Variants in CTNNB1 observed in about 807,000 individuals in gnomAD.
CTNNB1 encodes catenin beta 1.
CTNNB1 carries 6 observed loss-of-function variants against 82.5 expected under a neutral mutation model. The ratio of observed to expected loss-of-function variants is 0.07; its 90% CI spans 0.04 to 0.14. The LOEUF (loss-of-function observed/expected upper bound fraction) is 0.14. Ranked by LOEUF, CTNNB1 falls within the 10% of genes least tolerant of loss-of-function variation. CTNNB1 has a pLI of 1.00. For synonymous variants in CTNNB1, 312 were observed against 329.7 expected (o/e 0.95, Z 0.58); for missense variants, 529 against 980.4 (o/e 0.54, Z 6.15).
intron 10 of CTNNB1, chr3:41,234,644 T>C: frequency 3.3e-6 from 1 of 303,278 alleles, no homozygotes; most frequent in Middle Eastern, 1.1e-3. Context: ...CAGAGCCTCT[T>C]ACCCTTGCCT....
intron 1 of CTNNB1, among the ~76,000 whole-genome samples, chr3:41,213,918 T>G (rs1452461617): frequency 6.6e-6 from 1 of 152,212 alleles, no homozygotes; most frequent in Non-Finnish European, 1.5e-5. Flanking sequence ...CTCATAATTA[T>G]GAGGCTTATT....
At chr3:41,206,430 T>TAC (rs1455789938) in intron 1 of CTNNB1, among the ~76,000 whole-genome samples, 1 of 152,314 alleles carries the variant, frequency 6.6e-6, no homozygotes, top group African/African-American at 2.4e-5. Context: ...TGTGCATATA[T>TAC]ATAGCATACC....
At chr3:41,205,408 A>G (rs1173421266) in intron 1 of CTNNB1, among the ~76,000 whole-genome samples, 2 of 152,164 alleles carry the variant, frequency 1.3e-5, no homozygotes, top group African/African-American at 4.8e-5. Flanking sequence ...GTATTTCCAG[A>G]TTTTGAAAAG....
intron 7 of CTNNB1, among the ~76,000 whole-genome samples, chr3:41,231,065 C>T (rs769303080): frequency 4.2e-4 from 64 of 152,172 alleles, no homozygotes; most frequent in Non-Finnish European, 8.7e-4. Context: ...CGGTGGCTCA[C>T]GCCTGTAATT....
chr3:41,213,509 A>T (rs1007573879), intron 1 of CTNNB1, among the ~76,000 whole-genome samples: 3 of 152,178 alleles, frequency 2.0e-5, no homozygotes, highest in Non-Finnish European at 2.9e-5. Context: ...TGCAGTAATC[A>T]CTACTGCACA....
chr3:41,238,377 C>T (rs2078490778), intron 14 of CTNNB1: 1 of 341,172 alleles, frequency 2.9e-6, no homozygotes, highest in South Asian at 3.9e-5. Flanking sequence ...CCAGAGGACT[C>T]ATAATACCTT....
Position 41,225,772 on chromosome 3 carries a change from G to T in CTNNB1, c.847G>T (p.Val283Phe), listed in dbSNP as rs2125624453. ...VRLAGGLQKM[V>F]ALLNKTNVKF... is the part of the protein sequence containing the mutation. ...TTTAGCTGGTGGGCTGCAGAAAATGGTTGCCTTGCTCAACAAAACAAATGT... is the reference window on the plus strand; with the variant it reads ...TTTAGCTGGTGGGCTGCAGAAAATGTTTGCCTTGCTCAACAAAACAAATGT... The change falls in exon 6 of 15, where the codon GTT (valine) becomes TTT (phenylalanine). Residue 283 changes from valine to phenylalanine, a missense_variant. Coordinates refer to ENST00000349496, the MANE Select transcript of CTNNB1 (RefSeq NM_001904.4). This position sits in a 1 kb window ranked among gnomAD's most constrained non-coding sequence, Gnocchi z 5.3. 1.2e-6 allele frequency: 2 copies of T among 1,614,122 alleles called. No individual in the cohort carries two copies. The highest frequency in any genetic ancestry group is 8.5e-7 in the Non-Finnish European group (1 of 1,179,988).
intron 7 of CTNNB1, among the ~76,000 whole-genome samples, chr3:41,227,751 G>C (rs1004696885): frequency 2.6e-5 from 4 of 152,114 alleles, no homozygotes; most frequent in African/African-American, 9.7e-5. Flanking sequence ...TTAACTTTTA[G>C]GTTCCGGGTA....
Position 41,233,615 on chromosome 3 carries a change from T to C in CTNNB1, c.1272T>C (p.Leu424=), listed in dbSNP as rs4135379. ...INVVTCAAGI[L]SNLTCNNYKN... ...TGGTCACCTGTGCAGCTGGAATTCT[T>C]TCTAACCTCACTTGCAATAATTATA... The change falls in exon 9 of 15, where the codon CTT becomes CTC. Residue 424 remains leucine, a synonymous_variant. Coordinates refer to ENST00000349496, the MANE Select transcript of CTNNB1 (RefSeq NM_001904.4). 2.6e-4 allele frequency: 420 copies of C among 1,614,218 alleles called. No homozygotes were observed. In the African/African-American group the frequency reaches 5.2e-3, roughly 20 times the overall value.
At chr3:41,235,134 A>G (rs1406582305) in intron 10 of CTNNB1, 1 of 154,434 alleles carries the variant, frequency 6.5e-6, no homozygotes, top group Non-Finnish European at 1.4e-5. Context: ...AAGCTGCTAA[A>G]TGTAGCAGAA....
intron 1 of CTNNB1, among the ~76,000 whole-genome samples, chr3:41,205,508 G>C (rs185043189): frequency 2.7e-4 from 41 of 152,044 alleles, no homozygotes; most frequent in African/African-American, 9.6e-4. Flanking sequence ...TAGCCTGGCC[G>C]ACGTGGTGAA....
At position 41,234,279 on chromosome 3, in the gene CTNNB1, G is replaced by A; in HGVS notation, c.1665G>A (p.Gly555=). ...CCCAGCGCCGTACGTCCATGGGTGG[G>A]ACACAGCAGCAATTTGTGGTAGGTA... The part of the protein sequence containing the change: ...QDTQRRTSMG[G]TQQQFVEGVR... The change falls in exon 10 of 15, where the codon GGG becomes GGA. Residue 555 remains glycine (G), a synonymous_variant. Transcript: ENST00000349496. 2 of 1,614,174 alleles carry A rather than the reference G, an allele frequency of 1.2e-6. No individual in the cohort carries two copies. Among genetic ancestry groups the A allele is most frequent in the Admixed American group, 1.7e-5 (1 of 60,024 alleles).
chr3:41,236,157 T>A (rs1575333685), intron 11 of CTNNB1, 192 bp from the exon 12 acceptor site: 2 of 814,716 alleles, frequency 2.5e-6, no homozygotes, highest in East Asian at 4.9e-5. Flanking sequence ...AAAGGGTTTA[T>A]AGCTAAAAAA....
rs768314155 is a variant in CTNNB1, at chr3:41,225,295, C to T, written c.496-39C>T. 1 of 1,613,640 alleles carries T rather than the reference C, an allele frequency of 6.2e-7. No homozygotes were observed. The highest frequency in any genetic ancestry group is 8.5e-7 in the Non-Finnish European group (1 of 1,179,642). On this transcript the variant is annotated intron_variant, in intron 4 of 14. Coordinates refer to ENST00000349496, the MANE Select transcript of CTNNB1 (RefSeq NM_001904.4). This position sits in a 1 kb window ranked among gnomAD's most constrained non-coding sequence, Gnocchi z 5.3. ...TCAGAATGTCTACCCAATACCAGTA[C>T]TTGAAAACTAACGATGTTTCTGAAT...
intron 1 of CTNNB1, among the ~76,000 whole-genome samples, chr3:41,207,558 A>G (rs1339576918): frequency 6.6e-6 from 1 of 152,194 alleles, no homozygotes; most frequent in African/African-American, 2.4e-5. Context: ...AGGAAGTAGT[A>G]CTGCATTCTG....
At chr3:41,205,366 C>A (rs932669494) in intron 1 of CTNNB1, among the ~76,000 whole-genome samples, 1 of 152,150 alleles carries the variant, frequency 6.6e-6, no homozygotes. Flanking sequence ...GCAGTTAAAT[C>A]GATTTTGGTT....
At chr3:41,231,708 T>C (rs2078314399) in intron 7 of CTNNB1, among the ~76,000 whole-genome samples, 1 of 152,178 alleles carries the variant, frequency 6.6e-6, no homozygotes, top group Non-Finnish European at 1.5e-5. Flanking sequence ...AATAATAGCA[T>C]TGTATAGATT....
rs2078142017 is a variant in CTNNB1, at chr3:41,225,030, C to T, written c.318C>T (p.Gly106=). The part of the protein sequence containing the change: ...AAMFPETLDE[G]MQIPSTQFDA... ...TGTTCCCTGAGACATTAGATGAGGG[C>T]ATGCAGATCCCATCTACACAGTTTG... Residue 106 remains glycine (G), a synonymous_variant, in exon 4 of 15, where the codon GGC becomes GGT. Coordinates refer to ENST00000349496, the MANE Select transcript of CTNNB1 (RefSeq NM_001904.4). The surrounding 1 kb of genome is among the most constrained non-coding windows in gnomAD (Gnocchi z 5.3). The T allele has an allele frequency of 6.2e-7, 1 of 1,613,728 alleles. No homozygotes were observed. The highest frequency in any genetic ancestry group is 1.3e-5 in the African/African-American group (1 of 74,816).
chr3:41,235,236 T>C (rs1421204111), intron 10 of CTNNB1: 1 of 182,190 alleles, frequency 5.5e-6, no homozygotes, highest in Non-Finnish European at 1.2e-5. Context: ...TACATGAGGC[T>C]GTCAGCTGAA....
Sources: allele counts gnomAD v4.1 joint callset (sites outside exome capture counted in the v4.1 genomes callset), GRCh38; gene constraint gnomAD v4.1.1; non-coding constraint Gnocchi (gnomAD v3.1); transcripts MANE v1.5; gene names NCBI Gene and HGNC (gene_info 2026-07-23, HGNC 2026-07-21).